Variants in ZBTB49 observed in about 807,000 individuals in gnomAD.
ZBTB49 encodes zinc finger and BTB domain-containing protein 49.
A neutral mutation model predicts 57.5 loss-of-function variants in ZBTB49; 43 were observed. The ratio of observed to expected loss-of-function variants is 0.75; its 90% CI spans 0.59 to 0.97. ZBTB49 has a LOEUF of 0.97. ZBTB49 is among the 50% of genes least tolerant of loss of function. The pLI is 0.00. For synonymous variants in ZBTB49, 369 were observed against 362.1 expected (o/e 1.02, Z -0.22); for missense variants, 938 against 947.7 (o/e 0.99, Z 0.13).
rs201436106 is a variant in ZBTB49, at chr4:4,313,097, C to G, written c.1359C>G (p.Cys453Trp). 6.2e-7 allele frequency: 1 copy of G among 1,614,148 alleles called. No individual in the cohort carries two copies. Among genetic ancestry groups the G allele is most frequent in the Non-Finnish European group, 8.5e-7 (1 of 1,180,026 alleles). The change falls in exon 5 of 8, where the codon TGC becomes TGG. Residue 453 changes from cysteine to tryptophan, a missense_variant. Around this residue, in one of 3 missense-constraint regions of ZBTB49, gnomAD observed 835 missense variants for 819.1 expected, o/e 1.02. Coordinates refer to ENST00000337872, the MANE Select transcript of ZBTB49 (RefSeq NM_145291.4). ...RRHSGEKPYI[C>W]EICGKRFAAS... The stretch of plus-strand genomic sequence containing the variant: ...ATTCTGGTGAAAAACCATACATCTG[C>G]GAGATCTGTGGAAAGAGGTCAGTGC...
chr4:4,302,487 A>G lies in ZBTB49; in HGVS notation c.651A>G (p.Arg217=). 1.9e-6 allele frequency: 3 copies of G among 1,614,186 alleles called. No homozygotes were observed. The highest frequency in any genetic ancestry group is 2.5e-6 in the Non-Finnish European group (3 of 1,180,022). ...AGCCAAATTACTATTACAAACTCAG[A>G]AACTTTTACAGTAAGCAGTACCATA... The part of the protein sequence containing the change: ...FKQPNYYYKL[R]NFYSKQYHKH... The change falls in exon 3 of 8, where the codon AGA becomes AGG. Residue 217 remains arginine (R), a synonymous_variant. Transcript: ENST00000337872.
intron 3 of ZBTB49, 31 bp downstream of exon 3, chr4:4,303,122 G>A (rs1302919321): frequency 6.5e-7 from 1 of 1,546,112 alleles, no homozygotes; most frequent in Admixed American, 2.0e-5. Context: ...AGGCAGAAGG[G>A]AAGGACGTAA....
intron 4 of ZBTB49, among the ~76,000 whole-genome samples, chr4:4,309,464 C>T (rs1163418995): frequency 2.0e-5 from 3 of 152,138 alleles, no homozygotes; most frequent in Non-Finnish European, 4.4e-5. Flanking sequence ...AAGTTTTGAG[C>T]GCTTGTCATT....
At chr4:4,307,997 C>T (rs1240092845) in intron 4 of ZBTB49, among the ~76,000 whole-genome samples, 2 of 152,218 alleles carry the variant, frequency 1.3e-5, no homozygotes, top group African/African-American at 2.4e-5. Context: ...CCACTCCTCT[C>T]TCCTGGCACG....
chr4:4,300,479 A>T (rs1296839233), intron 2 of ZBTB49, among the ~76,000 whole-genome samples: 1 of 152,216 alleles, frequency 6.6e-6, no homozygotes, highest in Non-Finnish European at 1.5e-5. Flanking sequence ...AAATCAGGGG[A>T]AAAACATATT....
Position 4,302,263 on chromosome 4 carries a change from G to A in ZBTB49, c.427G>A (p.Asp143Asn). ...GTCTCTACAAAGCACCCTGACCCCA[G>A]ATGCCACTTGTGTTATCAGTGAAAA... ...TLSLQSTLTP[D>N]ATCVISENYP... Residue 143 changes from aspartate to asparagine, a missense_variant, in exon 3 of 8, where the codon GAT (aspartate) becomes AAT (asparagine). Transcript: ENST00000337872. 6.2e-7 allele frequency: 1 copy of A among 1,614,196 alleles called. No homozygotes were observed. Among genetic ancestry groups the A allele is most frequent in the Non-Finnish European group, 8.5e-7 (1 of 1,180,016 alleles).
rs763560174 is a variant in ZBTB49, at chr4:4,315,938, C to T, written c.1589C>T (p.Thr530Met). 23 of 1,613,932 alleles carry T rather than the reference C, an allele frequency of 1.4e-5. No homozygotes were observed. Among genetic ancestry groups the T allele is most frequent in the Non-Finnish European group, 1.5e-5 (18 of 1,180,032 alleles). The change falls in exon 7 of 8, where the codon ACG (threonine) becomes ATG (methionine). Residue 530 changes from threonine (T) to methionine (M), a missense_variant. Physicochemically the swap from Thr to Met is moderately conservative, Grantham distance 81 (BLOSUM62 -1). Around this residue, in one of 3 missense-constraint regions of ZBTB49, gnomAD observed 835 missense variants for 819.1 expected, o/e 1.02. Transcript: ENST00000337872. Reference sequence around the variant, plus strand: ...TTAGTAAAGCACAGAATTCGGCACACGGGGGAGCGGCCTTACAGCTGCTCT... The same window carrying T: ...TTAGTAAAGCACAGAATTCGGCACATGGGGGAGCGGCCTTACAGCTGCTCT... The part of the protein sequence containing the change: ...RKLVKHRIRH[T>M]GERPYSCSAC...
chr4:4,308,988 C>T (rs1720862417), intron 4 of ZBTB49, among the ~76,000 whole-genome samples: 1 of 152,226 alleles, frequency 6.6e-6, no homozygotes, highest in Non-Finnish European at 1.5e-5. Context: ...GTCAGATTGT[C>T]TGCATAGGGA....
Position 4,293,523 on chromosome 4 carries a change from C to G in ZBTB49, c.-20+3171C>G, listed in dbSNP as rs542839232. ...ACTTACCTATTTTTAGCTGTGTGAC[C>G]ATCTTCTCTGTATATGGTCAGGTTT... On this transcript the variant is annotated intron_variant, in intron 1 of 7. Transcript: ENST00000337872. 2.6e-3 allele frequency among the ~76,000 whole-genome samples: 391 copies of G among 152,330 alleles called. 3 individuals carry two copies. The highest frequency in any genetic ancestry group is 5.0e-3 in the Non-Finnish European group (338 of 68,028).
At chr4:4,309,651 C>T (rs544278557) in intron 4 of ZBTB49, among the ~76,000 whole-genome samples, 10 of 152,172 alleles carry the variant, frequency 6.6e-5, no homozygotes, top group African/African-American at 1.4e-4. Flanking sequence ...TGCCCGAGTC[C>T]GGGGGTCCTA....
At position 4,320,965 on chromosome 4, in the gene ZBTB49, C is replaced by T. The variant is rs369927173; in HGVS notation, c.1947C>T (p.Gly649=). 5.6e-6 allele frequency: 9 copies of T among 1,614,092 alleles called. No individual in the cohort carries two copies. The highest frequency in any genetic ancestry group is 2.2e-5 in the South Asian group (2 of 91,080). ...TGGCAGAATTTGATAGCCACTCTGG[C>T]GGCTCCTATTGTAAGTTACGGTCCA... ...NSVAEFDSHS[G]GSYCKLRSMI... is the part of the protein sequence containing the mutation. The change falls in exon 8 of 8, where the codon GGC becomes GGT. Residue 649 remains glycine, a synonymous_variant. Coordinates refer to ENST00000337872, the MANE Select transcript of ZBTB49 (RefSeq NM_145291.4).
intron 3 of ZBTB49, among the ~76,000 whole-genome samples, chr4:4,305,811 C>T (rs531532612): frequency 2.4e-4 from 37 of 152,292 alleles, no homozygotes; most frequent in African/African-American, 6.7e-4. Flanking sequence ...TGAGCGGGAT[C>T]GTGCTGTTCA....
At chr4:4,314,147 C>T (rs550119515) in intron 5 of ZBTB49, among the ~76,000 whole-genome samples, 2 of 152,286 alleles carry the variant, frequency 1.3e-5, no homozygotes, top group South Asian at 2.1e-4. Flanking sequence ...ACAAAAGCTG[C>T]GGCGGGCAGC....
At position 4,302,301 on chromosome 4, in the gene ZBTB49, T is replaced by C; in HGVS notation, c.465T>C (p.His155=). ...TTATCAGTGAAAACTACCCCCCTCA[T>C]TTACTGCAGGAATGTTCAGCAGATG... The part of the protein sequence containing the change: ...TCVISENYPP[H]LLQECSADAQ... The change falls in exon 3 of 8, where the codon CAT becomes CAC. Residue 155 remains histidine, a synonymous_variant. Transcript: ENST00000337872. 6.2e-7 allele frequency: 1 copy of C among 1,614,108 alleles called. No individual in the cohort carries two copies. Among genetic ancestry groups the C allele is most frequent in the Non-Finnish European group, 8.5e-7 (1 of 1,179,956 alleles).
At chr4:4,293,597 A>G (rs1720047144) in intron 1 of ZBTB49, among the ~76,000 whole-genome samples, 1 of 152,204 alleles carries the variant, frequency 6.6e-6, no homozygotes. Flanking sequence ...CTCAAAAACT[A>G]TTTTATCTCA....
intron 4 of ZBTB49, among the ~76,000 whole-genome samples, chr4:4,311,156 C>A (rs1720967465): frequency 6.6e-6 from 1 of 152,066 alleles, no homozygotes; most frequent in Non-Finnish European, 1.5e-5. Flanking sequence ...ATTTTTCTAC[C>A]ACTTAAAATA....
chr4:4,311,869 A>C (rs1281461471), intron 4 of ZBTB49, among the ~76,000 whole-genome samples: 1 of 152,232 alleles, frequency 6.6e-6, no homozygotes, highest in African/African-American at 2.4e-5. Context: ...TGTAATGTCT[A>C]ACTCTGTTTC....
chr4:4,312,800 C>T (rs1430353469), intron 4 of ZBTB49, among the ~76,000 whole-genome samples: 1 of 152,206 alleles, frequency 6.6e-6, no homozygotes, highest in African/African-American at 2.4e-5. Flanking sequence ...AACTAGGACA[C>T]AGCCAAGGGC....
intron 2 of ZBTB49, among the ~76,000 whole-genome samples, chr4:4,300,722 A>G (rs1471173210): frequency 1.3e-5 from 2 of 151,926 alleles, no homozygotes; most frequent in Non-Finnish European, 2.9e-5. Flanking sequence ...TGGAGGCTGC[A>G]GTGAGCCGTG....
Sources: gnomAD v4.1 joint callset for allele counts (sites outside exome capture counted in the v4.1 genomes callset) on GRCh38, gnomAD v4.1.1 for gene constraint, gnomAD v4.1.1 regional missense constraint, MANE v1.5 for transcripts, NCBI Gene and HGNC (gene_info 2026-07-23, HGNC 2026-07-21) for gene names.